Variants in AKAP6 observed in about 807,000 individuals in gnomAD.
The protein encoded by AKAP6 is A-kinase anchor protein 6.
In AKAP6, 58 loss-of-function variants were observed where a neutral mutation model predicts 188.5. The ratio of observed to expected loss-of-function variants is 0.31; its 90% CI spans 0.25 to 0.38. AKAP6 has a LOEUF of 0.38. Among genes scored for constraint, AKAP6 ranks in the 10% least tolerant of loss-of-function variants. AKAP6 has a pLI of 1.00. For missense variants in AKAP6, 2,710 were observed against 2,740.0 expected (o/e 0.99, Z 0.24); for synonymous variants, 989 against 998.6 (o/e 0.99, Z 0.18).
At chr14:32,664,762 C>T (rs1367835527) in intron 7 of AKAP6, among the ~76,000 whole-genome samples, 1 of 151,984 alleles carries the variant, frequency 6.6e-6, no homozygotes, top group Non-Finnish European at 1.5e-5. Flanking sequence ...CAAATTAGGG[C>T]CCCATAGGAA....
intron 11 of AKAP6, among the ~76,000 whole-genome samples, chr14:32,752,684 C>A (rs2032183463): frequency 1.3e-5 from 2 of 152,162 alleles, no homozygotes; most frequent in Non-Finnish European, 2.9e-5. Context: ...ACCCCTGTCA[C>A]CCCCATCCCC....
intron 11 of AKAP6, among the ~76,000 whole-genome samples, chr14:32,770,778 T>G (rs74041701): frequency 0.021 from 3,244 of 152,354 alleles, 102 homozygotes; most frequent in African/African-American, 0.074. Flanking sequence ...CTTATTTGTA[T>G]AGTTTACTTC....
At chr14:32,429,584 A>G (rs1890149112) in intron 1 of AKAP6, among the ~76,000 whole-genome samples, 2 of 152,240 alleles carry the variant, frequency 1.3e-5, no homozygotes, top group Admixed American at 1.3e-4. Context: ...AAAATGGGCA[A>G]TTAATCCATT....
intron 9 of AKAP6, among the ~76,000 whole-genome samples, chr14:32,715,175 G>A (rs903345418): frequency 6.6e-6 from 1 of 152,010 alleles, no homozygotes; most frequent in Non-Finnish European, 1.5e-5. Flanking sequence ...CTTTCTGTGT[G>A]TTTAAGCACA....
At chr14:32,665,636 T>C (rs1338640755) in intron 7 of AKAP6, among the ~76,000 whole-genome samples, 1 of 152,028 alleles carries the variant, frequency 6.6e-6, no homozygotes, top group African/African-American at 2.4e-5. Context: ...GACCCTCTCA[T>C]GGGAGAGTCT....
chr14:32,706,245 G>A (rs1334873909), intron 9 of AKAP6, among the ~76,000 whole-genome samples: 1 of 152,104 alleles, frequency 6.6e-6, no homozygotes, highest in Admixed American at 6.6e-5. Context: ...TTTGTGCTAA[G>A]ATAGAAGAAA....
At position 32,821,618 on chromosome 14, in the gene AKAP6, G is replaced by A; in HGVS notation, c.3805G>A (p.Gly1269Arg). The change falls in exon 13 of 14, where the codon GGG (glycine) becomes AGG (arginine). Residue 1269 changes from glycine to arginine, a missense_variant. Around this residue, in one of 2 missense-constraint regions of AKAP6, gnomAD observed 2,473 missense variants for 2,426.1 expected, o/e 1.02. Coordinates refer to ENST00000280979, the MANE Select transcript of AKAP6 (RefSeq NM_004274.5). ...TTATGACGAGGAGGCTGATAACCAT[G>A]GGGGATCTCAGTATGCCTCAAATAT... ...PGYDEEADNH[G>R]GSQYASNITA... 1 of 1,613,700 alleles carries A rather than the reference G, an allele frequency of 6.2e-7. No individual in the cohort carries two copies. Among genetic ancestry groups the A allele is most frequent in the Non-Finnish European group, 8.5e-7 (1 of 1,179,892 alleles).
At chr14:32,463,510 G>C (rs572439901) in intron 2 of AKAP6, among the ~76,000 whole-genome samples, 23 of 152,252 alleles carry the variant, frequency 1.5e-4, no homozygotes, top group Admixed American at 7.9e-4. Flanking sequence ...ACGGGGTAAA[G>C]AGTGAAATTA....
At chr14:32,656,287 T>A (rs780759036) in intron 7 of AKAP6, among the ~76,000 whole-genome samples, 5 of 152,200 alleles carry the variant, frequency 3.3e-5, no homozygotes, top group Non-Finnish European at 7.4e-5. Flanking sequence ...TGACTCTATT[T>A]AATGAAAGCT....
chr14:32,472,446 C>A (rs529420208), intron 2 of AKAP6, among the ~76,000 whole-genome samples: 1 of 152,264 alleles, frequency 6.6e-6, no homozygotes, highest in East Asian at 1.9e-4. Context: ...GAAGTGTTTT[C>A]TCTATTATTA....
chr14:32,635,155 T>C (rs1467584275), intron 7 of AKAP6, among the ~76,000 whole-genome samples: 1 of 152,056 alleles, frequency 6.6e-6, no homozygotes, highest in Non-Finnish European at 1.5e-5. Flanking sequence ...CTTTATTAAT[T>C]ATTTTCAGAT....
At chr14:32,385,358 G>T (rs1888496280) in intron 1 of AKAP6, among the ~76,000 whole-genome samples, 1 of 148,884 alleles carries the variant, frequency 6.7e-6, no homozygotes, top group South Asian at 2.2e-4. Context: ...TACTAAGATT[G>T]TTATTTTTTA....
chr14:32,713,969 A>G (rs1304547300), intron 9 of AKAP6, among the ~76,000 whole-genome samples: 1 of 152,046 alleles, frequency 6.6e-6, no homozygotes, highest in Non-Finnish European at 1.5e-5. Flanking sequence ...AATTGCTCAC[A>G]AAGCTTAGCT....
chr14:32,627,093 C>A (rs915684752), intron 7 of AKAP6, among the ~76,000 whole-genome samples: 1 of 152,076 alleles, frequency 6.6e-6, no homozygotes, highest in Non-Finnish European at 1.5e-5. Context: ...TTCCTCAGAG[C>A]AACACATTAT....
intron 8 of AKAP6, among the ~76,000 whole-genome samples, chr14:32,692,225 G>A (rs1258978022): frequency 6.6e-6 from 1 of 152,118 alleles, no homozygotes; most frequent in Non-Finnish European, 1.5e-5. Flanking sequence ...AAAGTCTTAA[G>A]TGACTTTTGT....
At chr14:32,676,987 G>A (rs1987052) in intron 7 of AKAP6, among the ~76,000 whole-genome samples, 38,255 of 151,902 alleles carry the variant, frequency 0.25, 6,188 homozygotes, top group East Asian at 0.58. Context: ...GCATGCGCCC[G>A]GGTAATTTTT....
In AKAP6 at chr14:32,823,420, C is replaced by A; in HGVS notation, c.5607C>A (p.Thr1869=). 1 of 1,613,578 alleles carries A rather than the reference C, an allele frequency of 6.2e-7. No individual in the cohort carries two copies. The highest frequency in any genetic ancestry group is 8.5e-7 in the Non-Finnish European group (1 of 1,179,856). Residue 1869 remains threonine (T), a synonymous_variant, in exon 13 of 14, where the codon ACC becomes ACA. Coordinates refer to ENST00000280979, the MANE Select transcript of AKAP6 (RefSeq NM_004274.5). ...NNGNGKNSSH[T]HELGTKRENK... is the part of the protein sequence containing the mutation. ...GAAATGGTAAGAATTCATCTCATAC[C>A]CATGAGTTAGGGACAAAGCGTGAAA...
rs969346439 is a variant in AKAP6, at chr14:32,695,633, A to C, written c.2880-357A>C. 2.8e-4 allele frequency among the ~76,000 whole-genome samples: 42 copies of C among 152,186 alleles called. 1 individual carries two copies. Among genetic ancestry groups the C allele is most frequent in the Admixed American group, 2.8e-3 (42 of 15,270 alleles). The stretch of plus-strand genomic sequence containing the variant: ...AGGACCATGTAACCTTCTACAAGTC[A>C]CTGACTCTCTATTTCTCAGTCTATT... On this transcript the variant is annotated intron_variant, in intron 8 of 13. Coordinates refer to ENST00000280979, the MANE Select transcript of AKAP6 (RefSeq NM_004274.5).
rs541653036 is a variant in AKAP6, at chr14:32,652,621, A to T, written c.2731-25690A>T. Among the ~76,000 whole-genome samples the T allele has an allele frequency of 1.2e-4, 19 of 152,298 alleles. No homozygotes were observed. In the South Asian group the frequency reaches 3.9e-3, roughly 32 times the overall value. On this transcript the variant is annotated intron_variant, in intron 7 of 13. Coordinates refer to ENST00000280979, the MANE Select transcript of AKAP6 (RefSeq NM_004274.5). ...AAGATACTGCCAGCCATCACACCAG[A>T]TTAATTTTTCATTTCCAGCCAGGAA...
Sources: gnomAD v4.1 joint callset for allele counts (sites outside exome capture counted in the v4.1 genomes callset) on GRCh38, gnomAD v4.1.1 for gene constraint, gnomAD v4.1.1 regional missense constraint, MANE v1.5 for transcripts, NCBI Gene and HGNC (gene_info 2026-07-23, HGNC 2026-07-21) for gene names.